The following ADGRL2 variants were observed in gnomAD, a reference collection of about 807,000 sequenced individuals.
ADGRL2 encodes calcium-independent alpha-latrotoxin receptor 2.
Under a neutral mutation model 157.4 loss-of-function variants are expected in ADGRL2, and 44 were observed. The observed-to-expected ratio is 0.28, with a 90% CI of 0.22 to 0.36. The LOEUF (loss-of-function observed/expected upper bound fraction) is 0.36, where lower values mean the gene tolerates loss of function less well. Among genes scored for constraint, ADGRL2 ranks in the 10% least tolerant of loss-of-function variants. The pLI is 1.00. For synonymous variants in ADGRL2, 585 were observed against 624.7 expected, an observed-to-expected ratio of 0.94 and a Z score of 0.95; for missense variants, 1,510 against 1,768.9, an observed-to-expected ratio of 0.85 and a Z score of 2.63.
chr1:81,787,787 G>A (rs1372252291), intron 2 of ADGRL2, among the ~76,000 whole-genome samples: 1 of 152,024 alleles, frequency 6.6e-6, no homozygotes, highest in Non-Finnish European at 1.5e-5. Context: ...ACAAATAAAG[G>A]GGCAATATAA....
chr1:81,350,059 C>CA (rs1457974308), intron 1 of ADGRL2, among the ~76,000 whole-genome samples: 1 of 152,094 alleles, frequency 6.6e-6, no homozygotes, highest in African/African-American at 2.4e-5. Context: ...AATATTTTGG[C>CA]AACCTTACAA....
chr1:81,550,555 A>G (rs1485891887), intron 2 of ADGRL2, among the ~76,000 whole-genome samples: 2 of 152,184 alleles, frequency 1.3e-5, no homozygotes, highest in Non-Finnish European at 2.9e-5. Context: ...AGCAAAATAA[A>G]GACAATTTCT....
chr1:81,636,172 C>G (rs893474353), intron 3 of ADGRL2, among the ~76,000 whole-genome samples: 12 of 152,082 alleles, frequency 7.9e-5, no homozygotes, highest in Admixed American at 7.2e-4. Flanking sequence ...GGTGTTACAT[C>G]AGAGAGTCTG....
At chr1:81,538,838 C>T (rs996731645) in intron 2 of ADGRL2, among the ~76,000 whole-genome samples, 5 of 151,924 alleles carry the variant, frequency 3.3e-5, no homozygotes, top group Admixed American at 6.6e-5. Flanking sequence ...AAACCTGCCT[C>T]TACCAAAAAT....
intron 2 of ADGRL2, among the ~76,000 whole-genome samples, chr1:81,463,114 C>CAAAAAAAAAAAA (rs56920139): frequency 6.4e-5 from 6 of 93,722 alleles, no homozygotes; most frequent in African/African-American, 1.3e-4. Context: ...GACCATGTCT[C>CAAAAAAAAAAAA]AAAAAAAAAA....
chr1:81,795,559 T>G (rs2149434296), upstream of ADGRL2, among the ~76,000 whole-genome samples: 1 of 152,294 alleles, frequency 6.6e-6, no homozygotes, highest in South Asian at 2.1e-4. Context: ...TGTTATATAA[T>G]TGTATATTTG....
intron 1 of ADGRL2, among the ~76,000 whole-genome samples, chr1:81,423,369 A>G (rs1163666475): frequency 6.6e-6 from 1 of 152,188 alleles, no homozygotes; most frequent in Non-Finnish European, 1.5e-5. Context: ...CATGCCCAGG[A>G]CACTTTCTAG....
At position 81,818,828 on chromosome 1, in the gene ADGRL2, G is replaced by T. The variant is rs146802835; in HGVS notation, c.-101+17760G>T. 1.0e-3 allele frequency among the ~76,000 whole-genome samples: 153 copies of T among 152,230 alleles called. 1 individual carries two copies. Among genetic ancestry groups the T allele is most frequent in the African/African-American group, 3.6e-3 (148 of 41,558 alleles). ...GGTTAGAGTAAATTCAAAATGAGTG[G>T]TATGGAAAAAGAGACCCCATTTATT... is the stretch of plus-strand genomic sequence containing the variant. On this transcript the variant is annotated intron_variant, in intron 1 of 23. Transcript: ENST00000686636.
chr1:81,428,407 A>G (rs979985976), intron 1 of ADGRL2, among the ~76,000 whole-genome samples: 1 of 152,234 alleles, frequency 6.6e-6, no homozygotes, highest in Non-Finnish European at 1.5e-5. Flanking sequence ...TGCAAAAGGA[A>G]CTTTCCTTCC....
At chr1:81,854,303 A>G (rs2093125817) in intron 2 of ADGRL2, among the ~76,000 whole-genome samples, 1 of 152,146 alleles carries the variant, frequency 6.6e-6, no homozygotes, top group Admixed American at 6.6e-5. Context: ...CAGTGTAGTC[A>G]TTTGTATTGA....
rs546201357 is a variant in ADGRL2 at position 81,756,870 on chromosome 1, A to T, written c.-142-4941A>T. Among the ~76,000 whole-genome samples the T allele has an allele frequency of 2.6e-5, 4 of 152,312 alleles. No homozygotes were observed. In the South Asian group the frequency reaches 8.3e-4, roughly 32 times the overall value. On this transcript the variant is annotated intron_variant, in intron 1 of 20. Coordinates refer to the ADGRL2 transcript ENST00000359929. ...TGATTGAAGACACTCTTTGATCTAA[A>T]GTTGGGGACTAGGTTTACACACGTG...
intron 1 of ADGRL2, among the ~76,000 whole-genome samples, chr1:81,433,118 C>T (rs1202532273): frequency 6.6e-6 from 1 of 152,104 alleles, no homozygotes; most frequent in Non-Finnish European, 1.5e-5. Context: ...CTGCCTTAGA[C>T]AAGGGATGTA....
At chr1:81,616,679 C>CTTTCTTT (rs2081658895) in intron 3 of ADGRL2, among the ~76,000 whole-genome samples, 1 of 105,988 alleles carries the variant, frequency 9.4e-6, no homozygotes, top group Non-Finnish European at 1.8e-5. Context: ...CTTTTCTTTT[C>CTTTCTTT]TTTTTTTTTT....
chr1:81,365,079 T>C (rs2076042399), intron 1 of ADGRL2, among the ~76,000 whole-genome samples: 1 of 152,190 alleles, frequency 6.6e-6, no homozygotes, highest in Non-Finnish European at 1.5e-5. Flanking sequence ...GCTGACGCCC[T>C]GAGGCTGGAG....
intron 2 of ADGRL2, among the ~76,000 whole-genome samples, chr1:81,448,268 C>A (rs2077638843): frequency 6.6e-6 from 1 of 150,526 alleles, no homozygotes; most frequent in African/African-American, 2.4e-5. Context: ...GTCTCAGCCT[C>A]CAGAGTAACT....
In ADGRL2 at chr1:81,487,473, C is replaced by T. The variant is rs567065840; in HGVS notation, c.-248+42384C>T. On this transcript the variant is annotated intron_variant, in intron 2 of 24. Coordinates refer to the ADGRL2 transcript ENST00000370721. Reference sequence around the variant, plus strand: ...CAGCCTGGCCAACATGGTGAAACCACGTCTCTACTAAAAATACAAAAATTA... The same window carrying T: ...CAGCCTGGCCAACATGGTGAAACCATGTCTCTACTAAAAATACAAAAATTA... Among the ~76,000 whole-genome samples, 23 of 152,078 alleles carry T rather than the reference C, an allele frequency of 1.5e-4. 1 individual carries two copies. In the South Asian group the frequency reaches 3.9e-3, roughly 26 times the overall value.
At chr1:81,756,906 T>C (rs1192338787) in intron 1 of ADGRL2, among the ~76,000 whole-genome samples, 2 of 152,144 alleles carry the variant, frequency 1.3e-5, no homozygotes, top group South Asian at 2.1e-4. Flanking sequence ...GAACAACCAT[T>C]TCAGAAATGC....
intron 1 of ADGRL2, among the ~76,000 whole-genome samples, chr1:81,738,131 C>G (rs2084962160): frequency 6.6e-6 from 1 of 152,154 alleles, no homozygotes; most frequent in African/African-American, 2.4e-5. Flanking sequence ...TCAATATTGT[C>G]TGATTATGTC....
At chr1:81,553,381 G>A (rs1052661679) in intron 2 of ADGRL2, among the ~76,000 whole-genome samples, 15 of 152,138 alleles carry the variant, frequency 9.9e-5, no homozygotes, top group African/African-American at 3.6e-4. Flanking sequence ...AGTATTTGCA[G>A]CTATGCAAAA....
Sources: gnomAD v4.1 joint callset for allele counts (sites outside exome capture counted in the v4.1 genomes callset) on GRCh38, gnomAD v4.1.1 for gene constraint, MANE v1.5 for transcripts, NCBI Gene and HGNC (gene_info 2026-07-23, HGNC 2026-07-21) for gene names.